IST1: variants seen among roughly 807,000 people sequenced by gnomAD.
IST1 encodes IST1 factor associated with ESCRT-III.
A neutral mutation model predicts 37.0 loss-of-function variants in IST1; 23 were observed. The ratio of observed to expected loss-of-function variants is 0.62; its 90% CI spans 0.45 to 0.88. The LOEUF (loss-of-function observed/expected upper bound fraction) is 0.88, where lower values mean the gene tolerates loss of function less well. Among genes scored for constraint, IST1 ranks in the 40% least tolerant of loss-of-function variants. The probability of loss-of-function intolerance (pLI) is 0.00; values close to 1 mark genes in which losing one functional copy is unlikely to be tolerated. For missense variants in IST1, 488 were observed against 445.4 expected (o/e 1.10, Z -0.86); for synonymous variants, 180 against 161.7 (o/e 1.11, Z -0.86).
intron 4 of IST1, among the ~76,000 whole-genome samples, chr16:71,919,125 T>C (rs962175615): frequency 5.3e-5 from 8 of 152,248 alleles, no homozygotes; most frequent in African/African-American, 1.7e-4. Context: ...TCACGACCTC[T>C]TGCTTTAAAG....
intron 5 of IST1, 121 bp from the exon 6 acceptor site, chr16:71,921,222 T>C (rs1168676383): frequency 1.5e-6 from 1 of 667,332 alleles, no homozygotes; most frequent in Non-Finnish European, 2.7e-6. Flanking sequence ...ATTTAACTGC[T>C]CTGAACCTTT....
chr16:71,931,072 GTTTATTT>G lies in IST1; in HGVS notation c.*3263_*3269del, dbSNP rs2037940510. ...GTTTATTTTTATGTACAATTTTACT[GTTTATTT>G]TTTGTTTGCTCTATTTGTTTTTTAA... On this transcript the variant is annotated 3_prime_UTR_variant, in exon 10 of 10. Coordinates refer to ENST00000378799, the MANE Select transcript of IST1 (RefSeq NM_001270975.2). 1.3e-5 allele frequency: 2 copies of G among 151,902 alleles called. No homozygotes were observed. Among genetic ancestry groups the G allele is most frequent in the South Asian group, 2.1e-4 (1 of 4,828 alleles). The allele number at this position is 151,902 out of a possible 1,614,324, so 9.4% of individuals were successfully genotyped here.
chr16:71,898,601 CA>C (rs1277441125), intron 1 of IST1, among the ~76,000 whole-genome samples: 1 of 148,140 alleles, frequency 6.8e-6, no homozygotes, highest in Non-Finnish European at 1.5e-5. Flanking sequence ...TGCTTGAACC[CA>C]GGAGGTGGAG....
intron 1 of IST1, among the ~76,000 whole-genome samples, chr16:71,906,826 C>G (rs1050874288): frequency 1.3e-5 from 2 of 152,020 alleles, no homozygotes; most frequent in African/African-American, 4.8e-5. Context: ...TAATAGGTCC[C>G]TTGTAGGTAA....
At chr16:71,920,296 T>C (rs933143659) in intron 4 of IST1, among the ~76,000 whole-genome samples, 2 of 152,224 alleles carry the variant, frequency 1.3e-5, no homozygotes, top group South Asian at 4.1e-4. Context: ...GTATTTCTTA[T>C]ATTTAACAGC....
intron 1 of IST1, among the ~76,000 whole-genome samples, chr16:71,908,195 G>C (rs977023020): frequency 6.6e-6 from 1 of 151,366 alleles, no homozygotes; most frequent in South Asian, 2.1e-4. Flanking sequence ...ACCCGCCTCT[G>C]CCTCCCAAAG....
At chr16:71,921,586 CAATA>C in intron 6 of IST1, 133 bp downstream of exon 6, 1 of 608,826 alleles carries the variant, frequency 1.6e-6, no homozygotes, top group Non-Finnish European at 2.9e-6. Context: ...ACCTTTATGA[CAATA>C]AATGTGCCTG....
chr16:71,915,757 A>G (rs1453048030), intron 2 of IST1, 29 bp downstream of exon 2: 2 of 1,389,660 alleles, frequency 1.4e-6, no homozygotes, highest in African/African-American at 1.4e-5. Context: ...TTCCCCAAAA[A>G]TAAATCACTG....
At position 71,928,452 on chromosome 16, in the gene IST1, T is replaced by A. The variant is rs1450124229; in HGVS notation, c.*639T>A. ...CTTGACAGTTGAAGGCCTCGCTTAG[T>A]TGTACTGGATTCTCAGGGAGCCCTC... is the stretch of plus-strand genomic sequence containing the variant. On this transcript the variant is annotated 3_prime_UTR_variant, in exon 10 of 10. Transcript: ENST00000378799. The A allele has an allele frequency of 6.5e-6, 1 of 152,946 alleles. No homozygotes were observed. 9.5% of individuals were successfully genotyped at this position (152,946 alleles called of 1,614,324 possible).
chr16:71,895,690 C>A, intron 1 of IST1, 101 bp downstream of exon 1: 1 of 343,796 alleles, frequency 2.9e-6, no homozygotes, highest in Non-Finnish European at 4.1e-6. Flanking sequence ...GGGATTCAAA[C>A]GACTTCGGAG....
At chr16:71,894,576 A>C, upstream of IST1, 1 of 343,216 alleles carries the variant, frequency 2.9e-6, no homozygotes, top group Non-Finnish European at 5.4e-6. Flanking sequence ...CCTAGGCTGG[A>C]GTGCTGTGAC....
rs35581900 is a variant in IST1, at chr16:71,906,002, C to CTTT, written c.-15-9608_-15-9606dup. 4.6e-3 allele frequency among the ~76,000 whole-genome samples: 586 copies of CTTT among 127,722 alleles called. 10 individuals are homozygous for CTTT. Among genetic ancestry groups the CTTT allele is most frequent in the East Asian group, 0.013 (57 of 4,366 alleles). 83.8% of individuals were successfully genotyped at this position (127,722 alleles called of 152,430 possible). ...TGCATTAAAAACTTCTTAAGCAATTCTTTTTTTTTTTTTTTTTTGGAGACA... is the reference window on the plus strand; with the variant it reads ...TGCATTAAAAACTTCTTAAGCAATTCTTTTTTTTTTTTTTTTTTTTTGGAGACA... On this transcript the variant is annotated intron_variant, in intron 1 of 9. Coordinates refer to ENST00000378799, the MANE Select transcript of IST1 (RefSeq NM_001270975.2).
rs1383436150 is a variant in IST1, at chr16:71,924,538, C to T, written c.853-231C>T. ...GCCAGGAAGTGGAGGCTGTGGTGAG[C>T]CGTGATTGTATCACTGCACTCCAGC... On this transcript the variant is annotated intron_variant, in intron 8 of 9. Coordinates refer to ENST00000378799, the MANE Select transcript of IST1 (RefSeq NM_001270975.2). The T allele has an allele frequency of 5.1e-6, 3 of 584,574 alleles. No individual in the cohort carries two copies. The African/African-American group carries it at 5.6e-5, about 11-fold the overall frequency. The allele number at this position is 584,574 out of a possible 1,614,324, so 36.2% of individuals were successfully genotyped here.
chr16:71,898,662 TA>T (rs60932200), intron 1 of IST1, among the ~76,000 whole-genome samples: 102,376 of 130,870 alleles, frequency 0.78, 39,671 homozygotes, highest in East Asian at 0.97. Context: ...GACTCTGTCT[TA>T]AAAAAAAAAA....
intron 1 of IST1, 171 bp from the exon 2 acceptor site, chr16:71,915,455 G>GC (rs1439576326): frequency 3.8e-6 from 2 of 531,126 alleles, no homozygotes; most frequent in Non-Finnish European, 6.6e-6. Context: ...TCCCCAATCA[G>GC]TTTTTTTTAC....
intron 1 of IST1, among the ~76,000 whole-genome samples, chr16:71,910,697 G>A (rs1299186529): frequency 2.0e-5 from 3 of 152,100 alleles, no homozygotes; most frequent in Non-Finnish European, 4.4e-5. Context: ...GTCTTGAAAC[G>A]TAACCCTTGG....
In IST1 at chr16:71,923,278, C is replaced by T. The variant is rs1249008595; in HGVS notation, c.760-10C>T. 6.3e-7 allele frequency: 1 copy of T among 1,581,740 alleles called. No individual in the cohort carries two copies. The highest frequency in any genetic ancestry group is 8.7e-7 in the Non-Finnish European group (1 of 1,152,666). On this transcript the variant is annotated splice_polypyrimidine_tract_variant and intron_variant, in intron 7 of 9. Coordinates refer to ENST00000378799, the MANE Select transcript of IST1 (RefSeq NM_001270975.2). ...GCAGTGTCTCTGATGTTGCCTTTCT[C>T]CTCTTACAGTCAGATTTCAATGGAC...
intron 1 of IST1, among the ~76,000 whole-genome samples, chr16:71,899,337 G>A (rs891348639): frequency 1.3e-5 from 2 of 152,200 alleles, no homozygotes; most frequent in African/African-American, 2.4e-5. Flanking sequence ...CCAGCACTTC[G>A]GGAGGTTGAG....
At chr16:71,911,968 G>C (rs979768448) in intron 1 of IST1, among the ~76,000 whole-genome samples, 1 of 151,948 alleles carries the variant, frequency 6.6e-6, no homozygotes, top group Non-Finnish European at 1.5e-5. Context: ...GCCTCCCAAA[G>C]TGTTGGGATT....
Sources: allele counts gnomAD v4.1 joint callset (sites outside exome capture counted in the v4.1 genomes callset), GRCh38; gene constraint gnomAD v4.1.1; transcripts MANE v1.5; gene names NCBI Gene and HGNC (gene_info 2026-07-23, HGNC 2026-07-21).